The following SOX6 variants were observed in gnomAD, a reference collection of about 807,000 sequenced individuals.
The protein encoded by SOX6 is SRY-box transcription factor 6.
In SOX6, 11 loss-of-function variants were observed where a neutral mutation model predicts 97.8. The observed-to-expected ratio is 0.11, with a 90% CI of 0.07 to 0.19. SOX6 has a LOEUF of 0.19. SOX6 is among the 10% of genes least tolerant of loss of function. SOX6 has a pLI of 1.00. For synonymous variants in SOX6, 360 were observed against 371.4 expected, an observed-to-expected ratio of 0.97 and a Z score of 0.35; for missense variants, 810 against 1,039.5, an observed-to-expected ratio of 0.78 and a Z score of 3.04.
intron 3 of SOX6, among the ~76,000 whole-genome samples, chr11:16,250,252 A>C (rs1217550672): frequency 1.3e-5 from 2 of 148,792 alleles, no homozygotes; most frequent in African/African-American, 5.0e-5. Flanking sequence ...AGTGCCATTA[A>C]ATTTTATAAA....
Position 15,966,504 on chromosome 11 carries a change from G to T in SOX6, c.*6305C>A, listed in dbSNP as rs761667824. On this transcript the variant is annotated 3_prime_UTR_variant, in exon 16 of 16. Transcript: ENST00000683767. Reference sequence around the variant, plus strand: ...AGTGTCAACAGCAGTACAAAAGATGGAGTGATGACAACTAGATTAGGGTAG... The same window carrying T: ...AGTGTCAACAGCAGTACAAAAGATGTAGTGATGACAACTAGATTAGGGTAG... 2 of 152,258 alleles carry T rather than the reference G, an allele frequency of 1.3e-5. No homozygotes were observed. Among genetic ancestry groups the T allele is most frequent in the Admixed American group, 6.5e-5 (1 of 15,278 alleles). The allele number at this position is 152,258 out of a possible 1,614,324, so 9.4% of individuals were successfully genotyped here.
At chr11:16,451,173 A>C (rs1380507740) in intron 1 of SOX6, among the ~76,000 whole-genome samples, 1 of 151,818 alleles carries the variant, frequency 6.6e-6, no homozygotes, top group African/African-American at 2.4e-5. Context: ...CAGAGGTTGC[A>C]GTGAGCCGAG....
upstream of SOX6, among the ~76,000 whole-genome samples, chr11:16,477,865 G>A (rs1299234851): frequency 1.3e-5 from 2 of 152,060 alleles, no homozygotes; most frequent in African/African-American, 2.4e-5. Context: ...CAACTCTAAC[G>A]CCTACTTCCA....
At chr11:16,653,703 C>T (rs150490284) in intron 3 of SOX6, among the ~76,000 whole-genome samples, 2,257 of 152,118 alleles carry the variant, frequency 0.015, 55 homozygotes, top group African/African-American at 0.049. Flanking sequence ...GCACCAAAAT[C>T]TCAGAAATTA....
intron 4 of SOX6, among the ~76,000 whole-genome samples, chr11:16,576,545 AATG>A (rs1847986286): frequency 6.6e-6 from 1 of 152,346 alleles, no homozygotes; most frequent in Middle Eastern, 3.4e-3. Context: ...AATATCATAA[AATG>A]ATGTTTAACA....
intron 7 of SOX6, among the ~76,000 whole-genome samples, chr11:16,103,691 G>T (rs997892267): frequency 2.0e-5 from 3 of 151,870 alleles, no homozygotes; most frequent in Admixed American, 6.6e-5. Context: ...ATACTACTCA[G>T]CCATAAAAGG....
chr11:16,490,952 T>C (rs1565161405), intron 4 of SOX6, among the ~76,000 whole-genome samples: 1 of 152,136 alleles, frequency 6.6e-6, no homozygotes, highest in East Asian at 1.9e-4. Context: ...TAATAAAATG[T>C]CAACAGCATT....
chr11:16,064,365 C>A (rs1054071008), intron 9 of SOX6, among the ~76,000 whole-genome samples: 1 of 151,586 alleles, frequency 6.6e-6, no homozygotes, highest in African/African-American at 2.4e-5. Context: ...GGAATAGATT[C>A]TTCTGTGCTC....
At chr11:16,269,342 C>T (rs2134226617) in intron 3 of SOX6, among the ~76,000 whole-genome samples, 1 of 150,960 alleles carries the variant, frequency 6.6e-6, no homozygotes, top group South Asian at 2.1e-4. Context: ...TCTATTAGGA[C>T]TATTCTCATA....
intron 1 of SOX6, among the ~76,000 whole-genome samples, chr11:16,459,374 C>T (rs576583679): frequency 6.6e-6 from 1 of 151,954 alleles, no homozygotes; most frequent in African/African-American, 2.4e-5. Flanking sequence ...TATAGAAATA[C>T]AAAAATACTG....
At chr11:16,636,741 C>T (rs150298045) in intron 3 of SOX6, among the ~76,000 whole-genome samples, 1 of 152,234 alleles carries the variant, frequency 6.6e-6, no homozygotes, top group East Asian at 1.9e-4. Flanking sequence ...GGGCAGTTGC[C>T]TCCATGATGT....
At chr11:16,515,439 G>T (rs1414849884) in intron 4 of SOX6, among the ~76,000 whole-genome samples, 2 of 141,914 alleles carry the variant, frequency 1.4e-5, no homozygotes, top group African/African-American at 2.6e-5. Flanking sequence ...TGTAGATTCT[G>T]GATATTAGCC....
chr11:16,459,663 A>G, intron 1 of SOX6, among the ~76,000 whole-genome samples: 1 of 152,108 alleles, frequency 6.6e-6, no homozygotes, highest in East Asian at 1.9e-4. Flanking sequence ...TAAAGATGAA[A>G]ACAGACTATC....
At chr11:16,441,112 C>A (rs1186493879) in intron 1 of SOX6, among the ~76,000 whole-genome samples, 2 of 152,166 alleles carry the variant, frequency 1.3e-5, no homozygotes, top group African/African-American at 4.8e-5. Context: ...CAGAGACTTC[C>A]TGCTGCCCTC....
At chr11:16,140,830 A>G (rs1045595897) in intron 6 of SOX6, among the ~76,000 whole-genome samples, 1 of 152,236 alleles carries the variant, frequency 6.6e-6, no homozygotes, top group Non-Finnish European at 1.5e-5. Context: ...TAAAGTGGAA[A>G]TAATATAACA....
At chr11:16,229,724 G>A (rs1296200780) in intron 4 of SOX6, among the ~76,000 whole-genome samples, 6 of 151,658 alleles carry the variant, frequency 4.0e-5, no homozygotes, top group South Asian at 2.1e-4. Flanking sequence ...ACTATTTTAT[G>A]GCAAAACTGA....
At chr11:16,581,732 G>A (rs567064356) in intron 4 of SOX6, among the ~76,000 whole-genome samples, 3 of 152,174 alleles carry the variant, frequency 2.0e-5, no homozygotes, top group East Asian at 3.9e-4. Flanking sequence ...GGGAGACCGA[G>A]GTGGGTGGAT....
intron 3 of SOX6, among the ~76,000 whole-genome samples, chr11:16,642,368 C>T (rs993794334): frequency 3.3e-5 from 5 of 152,212 alleles, no homozygotes; most frequent in South Asian, 4.2e-4. Flanking sequence ...TTCATTTCAA[C>T]TTTGGTGAAT....
At chr11:16,633,666 G>T (rs568778729) in intron 3 of SOX6, among the ~76,000 whole-genome samples, 30 of 152,248 alleles carry the variant, frequency 2.0e-4, no homozygotes, top group Non-Finnish European at 2.9e-5. Flanking sequence ...GGAAAAGCAA[G>T]GGAAAGAGTC....
Sources: gnomAD v4.1 joint callset for allele counts (sites outside exome capture counted in the v4.1 genomes callset) on GRCh38, gnomAD v4.1.1 for gene constraint, MANE v1.5 for transcripts, NCBI Gene and HGNC (gene_info 2026-07-23, HGNC 2026-07-21) for gene names.